The following NDRG4 variants were observed in gnomAD, a reference collection of about 807,000 sequenced individuals.
The protein encoded by NDRG4 is NDRG family member 4.
Under a neutral mutation model 55.8 loss-of-function variants are expected in NDRG4, and 38 were observed. The ratio of observed to expected loss-of-function variants is 0.68; its 90% CI spans 0.53 to 0.89. NDRG4 has a LOEUF of 0.89. Ranked by LOEUF, NDRG4 falls within the 40% of genes least tolerant of loss-of-function variation. The pLI is 0.00. For missense variants in NDRG4, 455 were observed against 468.6 expected (o/e 0.97, Z 0.27); for synonymous variants, 190 against 182.7 (o/e 1.04, Z -0.32).
Position 58,512,531 on chromosome 16 carries a change from C to T in NDRG4, c.*955C>T. 4.7e-6 allele frequency: 1 copy of T among 214,448 alleles called. No individual in the cohort carries two copies. The highest frequency in any genetic ancestry group is 9.5e-6 in the Non-Finnish European group (1 of 105,520). 13.3% of individuals were successfully genotyped at this position (214,448 alleles called of 1,614,324 possible). ...GTGGTGTTTCAGGCAGAGCTCTGGCCAGGCTGTGCCAGTGTGTCCCGGACG... is the reference window on the plus strand; with the variant it reads ...GTGGTGTTTCAGGCAGAGCTCTGGCTAGGCTGTGCCAGTGTGTCCCGGACG... On this transcript the variant is annotated 3_prime_UTR_variant, in exon 15 of 15. Transcript: ENST00000570248.
chr16:58,484,351 C>T (rs960112234), intron 1 of NDRG4, among the ~76,000 whole-genome samples: 2 of 152,062 alleles, frequency 1.3e-5, no homozygotes, highest in East Asian at 1.9e-4. Flanking sequence ...CCAGCCTGGG[C>T]GACAGAGTAA....
chr16:58,485,205 T>C (rs892443859), intron 1 of NDRG4, among the ~76,000 whole-genome samples: 2 of 152,244 alleles, frequency 1.3e-5, no homozygotes, highest in African/African-American at 2.4e-5. Context: ...TAGAAGAAAC[T>C]TCTCTGCCAC....
chr16:58,486,759 G>A (rs984617303), intron 1 of NDRG4, among the ~76,000 whole-genome samples: 1 of 147,640 alleles, frequency 6.8e-6, no homozygotes, highest in African/African-American at 2.5e-5. Context: ...ACGCCTGCAT[G>A]TATGACCCAT....
intron 1 of NDRG4, among the ~76,000 whole-genome samples, chr16:58,478,697 G>GTTTTTTTTTTTTTTTTTTTT (rs59525801): frequency 5.1e-5 from 7 of 137,706 alleles, no homozygotes; most frequent in Non-Finnish European, 1.1e-4. Flanking sequence ...TTTGTTTTTT[G>GTTTTTTTTTTTTTTTTTTTT]TTTTTTTTTT....
intron 1 of NDRG4, among the ~76,000 whole-genome samples, chr16:58,475,105 G>A (rs932528085): frequency 6.6e-6 from 1 of 152,214 alleles, no homozygotes; most frequent in African/African-American, 2.4e-5. Flanking sequence ...CTGTGCCAGA[G>A]AAGTTTCATT....
chr16:58,465,814 C>G (rs1277007256), intron 1 of NDRG4, among the ~76,000 whole-genome samples: 2 of 152,200 alleles, frequency 1.3e-5, no homozygotes, highest in African/African-American at 4.8e-5. Context: ...TCCTGGGACA[C>G]TGGAAACTGA....
At chr16:58,478,703 T>TG (rs1052714219) in intron 1 of NDRG4, among the ~76,000 whole-genome samples, 9 of 150,632 alleles carry the variant, frequency 6.0e-5, no homozygotes, top group African/African-American at 1.7e-4. Context: ...TTTTGTTTTT[T>TG]TTTTTTGTAA....
rs754766891 is a variant in NDRG4 at position 58,504,235 on chromosome 16, C to T, written c.209C>T (p.Ala70Val). The T allele has an allele frequency of 7.4e-6, 12 of 1,614,162 alleles. No individual in the cohort carries two copies. The South Asian group carries it at 1.3e-4, about 18-fold the overall frequency. The change falls in exon 3 of 15, where the codon GCC becomes GTC. Residue 70 changes from alanine to valine, a missense_variant. Ala to Val is a moderately conservative substitution (Grantham distance 64). Transcript: ENST00000570248. ...CACTTTGTGGTGTGTCACGTGGATG[C>T]CCCTGGACAACAGGTGGGGGCGTCG... Reference protein sequence around the residue: ...TKHFVVCHVDAPGQQVGASQF... With the variant: ...TKHFVVCHVDVPGQQVGASQF...
In NDRG4 at chr16:58,506,902, C is replaced by T; in HGVS notation, c.517-10C>T. On this transcript the variant is annotated splice_polypyrimidine_tract_variant and intron_variant, in intron 7 of 14. Coordinates refer to ENST00000570248, the MANE Select transcript of NDRG4 (RefSeq NM_001242835.2). ...CCTCTGCATGCCTCCATCCATCTCCCTGGGCCTAGGAGGAGCTGGTGAACA... is the reference window on the plus strand; with the variant it reads ...CCTCTGCATGCCTCCATCCATCTCCTTGGGCCTAGGAGGAGCTGGTGAACA... The T allele has an allele frequency of 6.2e-7, 1 of 1,612,692 alleles. No homozygotes were observed. The highest frequency in any genetic ancestry group is 8.5e-7 in the Non-Finnish European group (1 of 1,178,956).
In NDRG4 at chr16:58,512,957, A is replaced by G. The variant is rs1480945439; in HGVS notation, c.*1381A>G. ...CTATATGCGTATTTCCTCTACACAC[A>G]TCACCCCCCTTCTATAATCTTAAGC... On this transcript the variant is annotated 3_prime_UTR_variant, in exon 15 of 15. Transcript: ENST00000570248. 6.6e-6 allele frequency: 1 copy of G among 152,504 alleles called. No individual in the cohort carries two copies. The highest frequency in any genetic ancestry group is 2.4e-5 in the African/African-American group (1 of 41,380). The allele number at this position is 152,504 out of a possible 1,614,324, so 9.4% of individuals were successfully genotyped here.
chr16:58,486,996 T>TG (rs2035175665), intron 1 of NDRG4, among the ~76,000 whole-genome samples: 2 of 134,814 alleles, frequency 1.5e-5, no homozygotes, highest in Non-Finnish European at 3.1e-5. Context: ...GGGAGCCCTC[T>TG]GGGGAGCTCT....
intron 1 of NDRG4, among the ~76,000 whole-genome samples, chr16:58,483,567 C>G (rs1224037629): frequency 6.6e-6 from 1 of 152,190 alleles, no homozygotes; most frequent in Non-Finnish European, 1.5e-5. Flanking sequence ...TGTTTCCTCT[C>G]CCTCATCCCC....
intron 1 of NDRG4, among the ~76,000 whole-genome samples, chr16:58,480,289 T>G (rs1283618734): frequency 6.6e-6 from 1 of 152,138 alleles, no homozygotes; most frequent in Non-Finnish European, 1.5e-5. Flanking sequence ...CCCGGCTAAT[T>G]TTTGAATTTT....
At chr16:58,481,938 G>A (rs914768305) in intron 1 of NDRG4, among the ~76,000 whole-genome samples, 5 of 152,090 alleles carry the variant, frequency 3.3e-5, no homozygotes, top group African/African-American at 4.8e-5. Context: ...CCCAATTTCC[G>A]GGGTCCCAGA....
chr16:58,469,661 T>C (rs539403811), intron 1 of NDRG4, among the ~76,000 whole-genome samples: 2 of 152,324 alleles, frequency 1.3e-5, no homozygotes, highest in East Asian at 3.9e-4. Flanking sequence ...CCCAGGTAGC[T>C]ACGAATTATA....
At position 58,507,858 on chromosome 16, in the gene NDRG4, C is replaced by G. The variant is rs144494221; in HGVS notation, c.671C>G (p.Thr224Arg). The change falls in exon 9 of 15, where the codon ACG (threonine) becomes AGG (arginine). Residue 224 changes from threonine (T) to arginine (R), a missense_variant. Coordinates refer to ENST00000570248, the MANE Select transcript of NDRG4 (RefSeq NM_001242835.2). ...NRPGTVPNAK[T>R]LRCPVMLVVG... ...CCTGGAACGGTGCCCAATGCCAAGA[C>G]GCTCCGGTGAGTGGCCCCTGGCCCT... 6.2e-7 allele frequency: 1 copy of G among 1,613,920 alleles called. No individual in the cohort carries two copies. Among genetic ancestry groups the G allele is most frequent in the African/African-American group, 1.3e-5 (1 of 74,934 alleles).
At chr16:58,487,707 C>A in intron 1 of NDRG4, 1 of 1,415,288 alleles carries the variant, frequency 7.1e-7, no homozygotes. Flanking sequence ...TCCTTCTCCG[C>A]CCGGGCGTCC....
chr16:58,503,814 C>T lies in NDRG4; in HGVS notation c.38C>T (p.Thr13Ile), dbSNP rs1307339740. ...CCCCTTCAGGAACATGACATCGAGA[C>T]ACCCTACGGCCTTCTGCATGTAGTG... The part of the protein sequence containing the change: ...ECWDGEHDIE[T>I]PYGLLHVVIR... Residue 13 changes from threonine to isoleucine, a missense_variant, in exon 2 of 15, where the codon ACA (threonine) becomes ATA (isoleucine). Thr to Ile is a moderately conservative substitution (Grantham distance 89). Coordinates refer to ENST00000570248, the MANE Select transcript of NDRG4 (RefSeq NM_001242835.2). 1.2e-6 allele frequency: 2 copies of T among 1,613,970 alleles called. No individual in the cohort carries two copies. The highest frequency in any genetic ancestry group is 1.7e-6 in the Non-Finnish European group (2 of 1,179,970).
At chr16:58,497,318 T>G (rs910185503), upstream of NDRG4, among the ~76,000 whole-genome samples, 1 of 151,126 alleles carries the variant, frequency 6.6e-6, no homozygotes, top group African/African-American at 2.4e-5. Flanking sequence ...CAAGACCATG[T>G]CTCCAAAAAA....
Sources: allele counts gnomAD v4.1 joint callset (sites outside exome capture counted in the v4.1 genomes callset), GRCh38; gene constraint gnomAD v4.1.1; transcripts MANE v1.5; gene names NCBI Gene and HGNC (gene_info 2026-07-23, HGNC 2026-07-21).